Variants in CNTN6 observed in about 807,000 individuals in gnomAD.
The protein encoded by CNTN6 is contactin 6.
In CNTN6, 137 loss-of-function variants were observed where a neutral mutation model predicts 122.8. That is an observed-to-expected ratio of 1.12 (90% CI 0.97 to 1.29). The LOEUF is 1.29. Ranked by LOEUF, CNTN6 falls within the 50% of genes most tolerant of loss-of-function variation. The pLI is 0.00. For synonymous variants in CNTN6, 570 were observed against 426.0 expected, an observed-to-expected ratio of 1.34 and a Z score of -4.16; for missense variants, 1,634 against 1,223.4, an observed-to-expected ratio of 1.34 and a Z score of -5.01.
At chr3:1,147,265 TA>T (rs2092742564) in intron 1 of CNTN6, among the ~76,000 whole-genome samples, 1 of 151,984 alleles carries the variant, frequency 6.6e-6, no homozygotes, top group South Asian at 2.1e-4. Flanking sequence ...AATTATACCA[TA>T]AAAAGGCCAT....
At chr3:1,184,798 T>C (rs1381442565) in intron 2 of CNTN6, among the ~76,000 whole-genome samples, 1 of 152,156 alleles carries the variant, frequency 6.6e-6, no homozygotes, top group Non-Finnish European at 1.5e-5. Flanking sequence ...ATTAAGTACA[T>C]ATTTGAATGG....
chr3:1,267,170 C>A (rs2125733148), intron 4 of CNTN6, among the ~76,000 whole-genome samples: 1 of 152,110 alleles, frequency 6.6e-6, no homozygotes. Flanking sequence ...AGTGACAGGG[C>A]AGACTCTGTT....
intron 1 of CNTN6, among the ~76,000 whole-genome samples, chr3:1,119,537 G>A (rs903287819): frequency 1.4e-4 from 22 of 152,014 alleles, no homozygotes; most frequent in Middle Eastern, 6.8e-3. Flanking sequence ...AAGACAGTGT[G>A]TTGAACACTG....
chr3:1,245,849 G>A (rs1008916025), intron 4 of CNTN6, among the ~76,000 whole-genome samples: 12 of 151,680 alleles, frequency 7.9e-5, no homozygotes, highest in African/African-American at 2.7e-4. Context: ...GGCTTCCCTG[G>A]GCTACAGTGG....
chr3:1,166,902 G>A (rs772347137), intron 2 of CNTN6, among the ~76,000 whole-genome samples: 40 of 152,094 alleles, frequency 2.6e-4, no homozygotes, highest in Non-Finnish European at 5.3e-4. Flanking sequence ...GGAGCAAGGG[G>A]AGGGAGAGCA....
At chr3:1,128,112 T>C (rs2092227390) in intron 1 of CNTN6, among the ~76,000 whole-genome samples, 1 of 151,986 alleles carries the variant, frequency 6.6e-6, no homozygotes, top group African/African-American at 2.4e-5. Context: ...ACTCACTTAT[T>C]GTTGAATTAT....
chr3:1,252,970 G>A (rs771785010), intron 4 of CNTN6, among the ~76,000 whole-genome samples: 6 of 152,178 alleles, frequency 3.9e-5, no homozygotes, highest in Non-Finnish European at 8.8e-5. Flanking sequence ...AACAATGTCG[G>A]GAAGTCAGAA....
chr3:1,283,285 A>G (rs1226460886), intron 5 of CNTN6, among the ~76,000 whole-genome samples: 7 of 152,036 alleles, frequency 4.6e-5, no homozygotes, highest in Admixed American at 4.6e-4. Context: ...TATTTTATTT[A>G]TTTTTGGGGA....
chr3:1,307,333 T>A (rs1698519861), intron 7 of CNTN6, among the ~76,000 whole-genome samples: 1 of 152,194 alleles, frequency 6.6e-6, no homozygotes, highest in African/African-American at 2.4e-5. Context: ...TTTAAGGGTT[T>A]CTTGTATTTC....
intron 2 of CNTN6, among the ~76,000 whole-genome samples, chr3:1,178,013 GC>G (rs1489461065): frequency 6.6e-6 from 1 of 151,010 alleles, no homozygotes; most frequent in Non-Finnish European, 1.5e-5. Flanking sequence ...CAATTCTCCT[GC>G]CTCAGCCTCC....
At chr3:1,389,759 C>A in intron 20 of CNTN6, among the ~76,000 whole-genome samples, 1 of 149,770 alleles carries the variant, frequency 6.7e-6, no homozygotes, top group Non-Finnish European at 1.5e-5. Flanking sequence ...GGGTTGCAAT[C>A]CTAGTCTCTG....
intron 2 of CNTN6, among the ~76,000 whole-genome samples, chr3:1,165,691 C>T (rs1335392718): frequency 1.3e-5 from 2 of 152,110 alleles, no homozygotes; most frequent in African/African-American, 4.8e-5. Context: ...ATTACCCAGG[C>T]AATAACCATG....
In CNTN6 at chr3:1,245,221, T is replaced by TATATAAC. The variant is rs1559595220; in HGVS notation, c.358+17233_358+17234insACATATA. Among the ~76,000 whole-genome samples the TATATAAC allele has an allele frequency of 5.0e-3, 93 of 18,756 alleles. 9 individuals are homozygous for TATATAAC. Among genetic ancestry groups the TATATAAC allele is most frequent in the South Asian group, 0.014 (7 of 486 alleles). The allele number at this position is 18,756 out of a possible 152,430, so 12.3% of individuals were successfully genotyped here. On this transcript the variant is annotated intron_variant, in intron 4 of 22. Coordinates refer to ENST00000446702, the MANE Select transcript of CNTN6 (RefSeq NM_001289080.2). ...TGATATATATATATATATATATATA[T>TATATAAC]ATATATATATATATACACACACACA... is the stretch of plus-strand genomic sequence containing the variant.
chr3:1,113,140 G>C (rs1299616620), intron 1 of CNTN6, among the ~76,000 whole-genome samples: 3 of 152,150 alleles, frequency 2.0e-5, no homozygotes, highest in East Asian at 1.9e-4. Flanking sequence ...CAAATGATAA[G>C]AGATGAGACT....
intron 2 of CNTN6, among the ~76,000 whole-genome samples, chr3:1,163,139 G>T (rs1356683691): frequency 6.6e-6 from 1 of 152,158 alleles, no homozygotes; most frequent in Admixed American, 6.5e-5. Flanking sequence ...TCTGATGAAA[G>T]AATATATGAG....
chr3:1,363,134 C>A (rs1039304246), intron 12 of CNTN6, among the ~76,000 whole-genome samples: 1 of 151,782 alleles, frequency 6.6e-6, no homozygotes, highest in Non-Finnish European at 1.5e-5. Flanking sequence ...GGGTACAACA[C>A]CTTAAATGTT....
Position 1,383,086 on chromosome 3 carries a change from C to G in CNTN6, c.2311C>G (p.Leu771Val), listed in dbSNP as rs746084445. Residue 771 changes from leucine to valine, a missense_variant, in exon 18 of 23, where the codon CTG (leucine) becomes GTG (valine). Coordinates refer to ENST00000446702, the MANE Select transcript of CNTN6 (RefSeq NM_001289080.2). ...FVYRNESIIP[L>V]SPFEVKVGVY... The stretch of plus-strand genomic sequence containing the variant: ...CTACAGAAATGAAAGCATCATCCCA[C>G]TGTCTCCCTTTGAAGTCAAAGTGGG... The G allele has an allele frequency of 5.0e-6, 8 of 1,614,066 alleles. No homozygotes were observed. Among genetic ancestry groups the G allele is most frequent in the Admixed American group, 1.7e-5 (1 of 60,000 alleles).
chr3:1,166,756 C>T (rs2093259167), intron 2 of CNTN6, among the ~76,000 whole-genome samples: 1 of 151,970 alleles, frequency 6.6e-6, no homozygotes, highest in African/African-American at 2.4e-5. Flanking sequence ...AGCTGGAAGC[C>T]ATCATTCTTA....
intron 2 of CNTN6, among the ~76,000 whole-genome samples, chr3:1,156,608 CTTTT>C (rs575436858): frequency 1.3e-5 from 2 of 149,356 alleles, no homozygotes; most frequent in African/African-American, 5.1e-5. Flanking sequence ...TTCTTTCTTT[CTTTT>C]TCTTTTCTTT....
Sources: allele counts gnomAD v4.1 joint callset (sites outside exome capture counted in the v4.1 genomes callset), GRCh38; gene constraint gnomAD v4.1.1; transcripts MANE v1.5; gene names NCBI Gene and HGNC (gene_info 2026-07-23, HGNC 2026-07-21).